Variants in EIF5B observed in about 807,000 individuals in gnomAD.
EIF5B encodes the protein eukaryotic translation initiation factor 5B.
EIF5B carries 47 observed loss-of-function variants against 147.5 expected under a neutral mutation model. The observed-to-expected ratio is 0.32, with a 90% CI of 0.25 to 0.41. The LOEUF (loss-of-function observed/expected upper bound fraction) is 0.41. Among genes scored for constraint, EIF5B ranks in the 10% least tolerant of loss-of-function variants. EIF5B has a pLI of 1.00. For missense variants in EIF5B, 1,064 were observed against 1,413.2 expected, an observed-to-expected ratio of 0.75 and a Z score of 3.96; for synonymous variants, 455 against 456.2, an observed-to-expected ratio of 1.00 and a Z score of 0.03.
intron 12 of EIF5B, among the ~76,000 whole-genome samples, chr2:99,380,447 T>G (rs1174632500): frequency 1.3e-5 from 2 of 152,240 alleles, no homozygotes; most frequent in African/African-American, 2.4e-5. Context: ...TAGTCCCATC[T>G]TTGCCCAGTG....
At chr2:99,363,199 C>T (rs141651985) in intron 4 of EIF5B, among the ~76,000 whole-genome samples, 1 of 152,160 alleles carries the variant, frequency 6.6e-6, no homozygotes, top group Non-Finnish European at 1.5e-5. Context: ...CTAATACCCC[C>T]TAAAGTGGAC....
intron 1 of EIF5B, among the ~76,000 whole-genome samples, chr2:99,356,465 A>C (rs1156804620): frequency 6.6e-6 from 1 of 152,160 alleles, no homozygotes; most frequent in Non-Finnish European, 1.5e-5. Flanking sequence ...TAATAGTATG[A>C]CTAGTGGAAT....
At position 99,359,206 on chromosome 2, in the gene EIF5B, C is replaced by CAA. The variant is rs70940172; in HGVS notation, c.36-1018_36-1017dup. On this transcript the variant is annotated intron_variant, in intron 1 of 23. Transcript: ENST00000289371. ...TGAAACCCCGTCTCTACTTAAAATA[C>CAA]AAAAAAAAAAAAATGAACCGGGCAT... Among the ~76,000 whole-genome samples the CAA allele has an allele frequency of 6.2e-4, 87 of 140,698 alleles. 1 individual carries two copies. The highest frequency in any genetic ancestry group is 2.5e-3 in the East Asian group (12 of 4,828). The allele number at this position is 140,698 out of a possible 152,430, so 92.3% of individuals were successfully genotyped here.
At chr2:99,366,937 A>C (rs146602207) in intron 6 of EIF5B, among the ~76,000 whole-genome samples, 1 of 152,234 alleles carries the variant, frequency 6.6e-6, no homozygotes, top group Non-Finnish European at 1.5e-5. Flanking sequence ...AATTCAGTGG[A>C]TAAAATACAG....
At chr2:99,352,797 T>A (rs560864854) in intron 1 of EIF5B, among the ~76,000 whole-genome samples, 36 of 152,066 alleles carry the variant, frequency 2.4e-4, no homozygotes, top group South Asian at 8.3e-4. Context: ...AGTGTCTTTT[T>A]TAAAGTTAAA....
At chr2:99,387,702 A>G (rs11885942) in intron 14 of EIF5B, among the ~76,000 whole-genome samples, 33,889 of 152,150 alleles carry the variant, frequency 0.22, 4,267 homozygotes, top group Admixed American at 0.31. Context: ...TAGGATTTTG[A>G]TTGGGATTGC....
At chr2:99,376,888 G>A (rs148667862) in intron 10 of EIF5B, among the ~76,000 whole-genome samples, 6 of 152,190 alleles carry the variant, frequency 3.9e-5, no homozygotes, top group East Asian at 1.9e-4. Context: ...AAATTTTAAT[G>A]TACTCTTTGA....
At position 99,361,606 on chromosome 2, in the gene EIF5B, G is replaced by A. The variant is rs764192469; in HGVS notation, c.705G>A (p.Lys235=). 1.3e-6 allele frequency: 2 copies of A among 1,599,398 alleles called. No individual in the cohort carries two copies. The highest frequency in any genetic ancestry group is 2.2e-5 in the East Asian group (1 of 44,782). Residue 235 remains lysine, a synonymous_variant, in exon 4 of 24, where the codon AAG becomes AAA. Transcript: ENST00000289371. ...IKTVAQKKAE[K]KERERKKRDE... ...CAGTGGCCCAAAAGAAGGCAGAAAA[G>A]AAGGAGCGCGAGAGAAAAAAGCGAG...
At position 99,369,478 on chromosome 2, in the gene EIF5B, C is replaced by G; in HGVS notation, c.1474C>G (p.Pro492Ala). 1 of 1,607,804 alleles carries G rather than the reference C, an allele frequency of 6.2e-7. No individual in the cohort carries two copies. Among genetic ancestry groups the G allele is most frequent in the Non-Finnish European group, 8.5e-7 (1 of 1,175,820 alleles). ...EKEETPPPVEPEEEEDTEDAG... is the reference protein window; with the variant it reads ...EKEETPPPVEAEEEEDTEDAG... ...GGAAGAGACACCACCTCCTGTTGAA[C>G]CAGGCGGGTAGTGTTATCTGATTAT... Residue 492 changes from proline (P) to alanine (A), a missense_variant, in exon 8 of 24, where the codon CCA (proline) becomes GCA (alanine). By Grantham distance (27) the Pro-to-Ala change is conservative. Transcript: ENST00000289371.
intron 13 of EIF5B, 152 bp downstream of exon 13, chr2:99,382,378 T>C (rs992455604): frequency 3.1e-6 from 2 of 639,776 alleles, no homozygotes; most frequent in Admixed American, 6.2e-5. Flanking sequence ...ATGTTTTCTT[T>C]GAATACTTGT....
chr2:99,397,686 C>G (rs1218064458), intron 22 of EIF5B: 1 of 152,234 alleles, frequency 6.6e-6, no homozygotes, highest in Admixed American at 6.5e-5. Context: ...GTGCTAGACG[C>G]CAACCATCTC....
chr2:99,353,776 A>G (rs1428993922), intron 1 of EIF5B, among the ~76,000 whole-genome samples: 2 of 152,200 alleles, frequency 1.3e-5, no homozygotes, highest in Non-Finnish European at 2.9e-5. Flanking sequence ...GGAATTAAGT[A>G]TATATATGAC....
rs183897149 is a variant in EIF5B, at chr2:99,382,414, C to T, written c.2129+188C>T. 3.5e-3 allele frequency among the ~76,000 whole-genome samples: 539 copies of T among 152,284 alleles called. 3 individuals carry two copies. Among genetic ancestry groups the T allele is most frequent in the African/African-American group, 0.013 (522 of 41,572 alleles). On this transcript the variant is annotated intron_variant, in intron 13 of 23. Transcript: ENST00000289371. ...TTTTTATAGAGGGAAGTCTTTACTG[C>T]TTTAAAAGAGCACCCCCTTAATGTG... is the stretch of plus-strand genomic sequence containing the variant.
chr2:99,367,084 G>A (rs1179009110), intron 6 of EIF5B, among the ~76,000 whole-genome samples: 4 of 152,202 alleles, frequency 2.6e-5, no homozygotes, highest in Non-Finnish European at 4.4e-5. Flanking sequence ...AATACTTTCA[G>A]AGGAAAACAT....
At chr2:99,368,035 A>C (rs980817859) in intron 6 of EIF5B, among the ~76,000 whole-genome samples, 1 of 152,250 alleles carries the variant, frequency 6.6e-6, no homozygotes, top group Non-Finnish European at 1.5e-5. Context: ...CTGCCCAACA[A>C]TGAAAGTAAA....
At chr2:99,388,619 T>G (rs1283401182) in intron 14 of EIF5B, among the ~76,000 whole-genome samples, 2 of 152,236 alleles carry the variant, frequency 1.3e-5, no homozygotes, top group East Asian at 3.8e-4. Context: ...ACATAATTAC[T>G]GTTGAATTTT....
At chr2:99,379,149 G>C (rs1674638218) in intron 11 of EIF5B, 23 bp downstream of exon 11, 4 of 1,559,172 alleles carry the variant, frequency 2.6e-6, no homozygotes. Context: ...TAAATGTATT[G>C]ATAGAACTTT....
chr2:99,386,083 T>G (rs1412521764), intron 14 of EIF5B, among the ~76,000 whole-genome samples: 3 of 152,258 alleles, frequency 2.0e-5, no homozygotes, highest in African/African-American at 7.2e-5. Context: ...TGAATAGTAG[T>G]CCATTATCTG....
intron 12 of EIF5B, among the ~76,000 whole-genome samples, chr2:99,380,496 C>G (rs939626103): frequency 6.6e-6 from 1 of 152,082 alleles, no homozygotes; most frequent in Non-Finnish European, 1.5e-5. Context: ...TCTGGTTGTC[C>G]TAGTTTTGGT....
Sources: allele counts gnomAD v4.1 joint callset (sites outside exome capture counted in the v4.1 genomes callset), GRCh38; gene constraint gnomAD v4.1.1; transcripts MANE v1.5; gene names NCBI Gene and HGNC (gene_info 2026-07-23, HGNC 2026-07-21).